Variants in TPD52 observed in about 807,000 individuals in gnomAD.
The protein encoded by TPD52 is tumor protein D52.
TPD52 carries 17 observed loss-of-function variants against 31.3 expected under a neutral mutation model. The ratio of observed to expected loss-of-function variants is 0.54; its 90% confidence interval spans 0.37 to 0.82. TPD52 has a LOEUF of 0.82. Ranked by LOEUF, TPD52 falls within the 40% of genes least tolerant of loss-of-function variation. The pLI is 0.00. For synonymous variants in TPD52, 83 were observed against 89.6 expected (o/e 0.93, Z 0.42); for missense variants, 212 against 240.1 (o/e 0.88, Z 0.77).
At chr8:80,150,865 C>T (rs1810524441) in intron 1 of TPD52, among the ~76,000 whole-genome samples, 1 of 152,134 alleles carries the variant, frequency 6.6e-6, no homozygotes, top group African/African-American at 2.4e-5. Flanking sequence ...AGACCGTGGA[C>T]TTTTGAGTTA....
intron 1 of TPD52, among the ~76,000 whole-genome samples, chr8:80,160,889 CAA>C (rs58923055): frequency 0.042 from 4,013 of 94,964 alleles, 134 homozygotes; most frequent in African/African-American, 0.13. Flanking sequence ...ACTAAAAATA[CAA>C]AAAAAAAAAA....
At chr8:80,159,603 G>A (rs1319816916) in intron 1 of TPD52, among the ~76,000 whole-genome samples, 1 of 152,132 alleles carries the variant, frequency 6.6e-6, no homozygotes, top group Non-Finnish European at 1.5e-5. Flanking sequence ...TGTTTCATTT[G>A]TAACGTAGGG....
chr8:80,116,986 G>A (rs562252059), intron 1 of TPD52, among the ~76,000 whole-genome samples: 65 of 152,196 alleles, frequency 4.3e-4, no homozygotes, highest in Admixed American at 1.3e-3. Flanking sequence ...AACAAACTAG[G>A]AATGTAAAGG....
intron 1 of TPD52, among the ~76,000 whole-genome samples, chr8:80,126,209 A>G (rs1808584778): frequency 6.6e-6 from 1 of 152,230 alleles, no homozygotes; most frequent in Admixed American, 6.5e-5. Context: ...GTATTCAAGC[A>G]TAAGATTATG....
intron 1 of TPD52, among the ~76,000 whole-genome samples, chr8:80,113,750 A>T (rs1462280486): frequency 6.6e-6 from 1 of 152,200 alleles, no homozygotes; most frequent in East Asian, 1.9e-4. Context: ...GAGAGTAGAA[A>T]CTATAACTTA....
At chr8:80,095,553 T>C (rs1816663447) in intron 1 of TPD52, among the ~76,000 whole-genome samples, 1 of 152,200 alleles carries the variant, frequency 6.6e-6, no homozygotes, top group Admixed American at 6.5e-5. Context: ...GTAACAAATG[T>C]ACCATATGAA....
At chr8:80,043,469 T>C (rs1253989848) in intron 6 of TPD52, among the ~76,000 whole-genome samples, 1 of 152,150 alleles carries the variant, frequency 6.6e-6, no homozygotes, top group African/African-American at 2.4e-5. Flanking sequence ...ACGGTGGTGA[T>C]GGCAGAACAG....
intron 1 of TPD52, chr8:80,119,709 G>A: frequency 5.9e-6 from 1 of 169,218 alleles, no homozygotes; most frequent in Non-Finnish European, 1.3e-5. Context: ...AGAATATATG[G>A]CCTTTAAAAC....
chr8:80,166,107 C>T (rs1379330281), intron 1 of TPD52, among the ~76,000 whole-genome samples: 1 of 152,090 alleles, frequency 6.6e-6, no homozygotes, highest in Non-Finnish European at 1.5e-5. Flanking sequence ...CACTTGAGGC[C>T]AGGAGTTCGA....
chr8:80,129,372 G>C (rs1445775571), intron 1 of TPD52, among the ~76,000 whole-genome samples: 1 of 152,110 alleles, frequency 6.6e-6, no homozygotes, highest in Non-Finnish European at 1.5e-5. Flanking sequence ...TATATTAAAA[G>C]TTGTATGCTC....
chr8:80,147,747 T>C (rs1810295643), intron 1 of TPD52, among the ~76,000 whole-genome samples: 1 of 151,922 alleles, frequency 6.6e-6, no homozygotes, highest in Admixed American at 6.6e-5. Flanking sequence ...AGTGAGGCCC[T>C]CTAGCCACTA....
intron 1 of TPD52, among the ~76,000 whole-genome samples, chr8:80,068,283 A>C (rs1282152739): frequency 6.6e-6 from 1 of 152,144 alleles, no homozygotes; most frequent in Non-Finnish European, 1.5e-5. Context: ...ATTTGCCCAG[A>C]GTTACAGAGG....
At position 80,161,730 on chromosome 8, in the gene TPD52, ATATT is replaced by A. The variant is rs1191448220; in HGVS notation, c.19+9691_19+9694del. Reference sequence around the variant, plus strand: ...AACACATTTATATATATATATATATATATTTTTTTTTTTTTCTGAGACAGAGTCT... The same window carrying A: ...AACACATTTATATATATATATATATATTTTTTTTTTTCTGAGACAGAGTCT... On this transcript the variant is annotated intron_variant, in intron 1 of 7. Coordinates refer to ENST00000518937, the MANE Select transcript of TPD52 (RefSeq NM_001025253.3). Among the ~76,000 whole-genome samples the A allele has an allele frequency of 1.4e-3, 79 of 56,216 alleles. No individual in the cohort carries two copies. In the East Asian group the frequency reaches 0.039, roughly 28 times the overall value. 36.9% of individuals were successfully genotyped at this position (56,216 alleles called of 152,430 possible). A position where few individuals can be genotyped will look rare whatever the true frequency, so the allele number is the denominator to read the frequency against.
intron 1 of TPD52, among the ~76,000 whole-genome samples, chr8:80,069,578 G>T (rs1813541885): frequency 6.6e-6 from 1 of 151,882 alleles, no homozygotes; most frequent in South Asian, 2.1e-4. Flanking sequence ...ATCACTTGAG[G>T]CCAGGAGTTC....
intron 5 of TPD52, among the ~76,000 whole-genome samples, chr8:80,047,544 A>G (rs1194443651): frequency 6.6e-6 from 1 of 152,226 alleles, no homozygotes; most frequent in Non-Finnish European, 1.5e-5. Flanking sequence ...AGTCTACAGC[A>G]ATGCCTGGCA....
chr8:80,167,334 G>A (rs538435554), intron 1 of TPD52, among the ~76,000 whole-genome samples: 4 of 152,194 alleles, frequency 2.6e-5, no homozygotes, highest in Non-Finnish European at 5.9e-5. Context: ...AAGTTCCAGG[G>A]ATTTGGGTGT....
At chr8:80,071,246 G>A (rs1197405952) in intron 1 of TPD52, among the ~76,000 whole-genome samples, 1 of 152,190 alleles carries the variant, frequency 6.6e-6, no homozygotes, top group Non-Finnish European at 1.5e-5. Flanking sequence ...CCGATGGAAA[G>A]GGGCATAAAC....
At position 80,124,776 on chromosome 8, in the gene TPD52, T is replaced by TTC. The variant is rs578115034; in HGVS notation, c.19+46647_19+46648dup. ...TCTTTTTTGCCATGCTTAGCACGTA[T>TTC]TCTGATCCCAGGACCATTTGACCAT... On this transcript the variant is annotated intron_variant, in intron 1 of 7. Transcript: ENST00000518937. Among the ~76,000 whole-genome samples the TTC allele has an allele frequency of 4.0e-3, 610 of 152,306 alleles. 1 individual carries two copies. The highest frequency in any genetic ancestry group is 7.2e-3 in the Non-Finnish European group (492 of 68,026).
At chr8:80,086,407 G>T (rs192494022) in intron 1 of TPD52, among the ~76,000 whole-genome samples, 72 of 151,808 alleles carry the variant, frequency 4.7e-4, no homozygotes, top group Non-Finnish European at 9.1e-4. Flanking sequence ...GTGAGCCACC[G>T]AGCCTGACCG....
Sources: allele counts gnomAD v4.1 joint callset (sites outside exome capture counted in the v4.1 genomes callset), GRCh38; gene constraint gnomAD v4.1.1; transcripts MANE v1.5; gene names NCBI Gene and HGNC (gene_info 2026-07-23, HGNC 2026-07-21).